Variants in PLB1 observed in about 807,000 individuals in gnomAD.
PLB1 encodes phospholipase B1, membrane-associated.
PLB1 carries 242 observed loss-of-function variants against 227.4 expected under a neutral mutation model. The observed-to-expected ratio is 1.06, with a 90% CI of 0.96 to 1.18. The LOEUF is 1.18. PLB1 is among the 50% of genes most tolerant of loss of function. PLB1 has a pLI of 0.00. For synonymous variants in PLB1, 757 were observed against 682.2 expected, an observed-to-expected ratio of 1.11 and a Z score of -1.71; for missense variants, 1,858 against 1,816.3, an observed-to-expected ratio of 1.02 and a Z score of -0.42.
At chr2:28,600,764 G>A (rs1683743290) in intron 35 of PLB1, 45 bp from the exon 36 acceptor site, 18 of 1,591,896 alleles carry the variant, frequency 1.1e-5, no homozygotes, top group Non-Finnish European at 1.5e-5. Context: ...GGAAAACTAT[G>A]GGCACTGTTC....
At chr2:28,596,613 T>G (rs1294149397) in intron 33 of PLB1, among the ~76,000 whole-genome samples, 1 of 152,242 alleles carries the variant, frequency 6.6e-6, no homozygotes, top group Non-Finnish European at 1.5e-5. Context: ...TAAAATATTC[T>G]GATTGGGTGC....
intron 18 of PLB1, among the ~76,000 whole-genome samples, chr2:28,564,307 T>C (rs987399118): frequency 8.5e-5 from 13 of 152,102 alleles, no homozygotes; most frequent in Non-Finnish European, 1.3e-4. Context: ...AGCTTGTAAG[T>C]GCTCGAGCCA....
chr2:28,553,076 C>T (rs1674503712), intron 17 of PLB1, 85 bp downstream of exon 17: 4 of 1,192,720 alleles, frequency 3.4e-6, no homozygotes, highest in Non-Finnish European at 3.7e-6. Context: ...ACCTGAAATA[C>T]TCCCGAGTGG....
Position 28,620,628 on chromosome 2 carries a change from C to T in PLB1, c.3412C>T (p.His1138Tyr), listed in dbSNP as rs1001580589. Residue 1138 changes from histidine (H) to tyrosine (Y), a missense_variant, in exon 48 of 58, where the codon CAC becomes TAC. Transcript: ENST00000327757. Reference sequence around the variant, plus strand: ...TGGAGGGGATGGGAACTTGGAGACTCACACCACACTGCCCAGTAAGTAGCA... The same window carrying T: ...TGGAGGGGATGGGAACTTGGAGACTTACACCACACTGCCCAGTAAGTAGCA... ...SIGGDGNLET[H>Y]TTLPNILKKF... is the part of the protein sequence containing the mutation. The T allele has an allele frequency of 1.2e-6, 2 of 1,613,950 alleles. No individual in the cohort carries two copies. The highest frequency in any genetic ancestry group is 1.7e-6 in the Non-Finnish European group (2 of 1,179,940).
intron 3 of PLB1, 101 bp downstream of exon 3, chr2:28,518,633 C>A: frequency 1.2e-6 from 1 of 804,082 alleles, no homozygotes; most frequent in Non-Finnish European, 2.1e-6. Context: ...GTTGCCCCTT[C>A]AAGTCCTCCT....
At chr2:28,500,477 A>G (rs563433117) in intron 1 of PLB1, among the ~76,000 whole-genome samples, 2 of 152,236 alleles carry the variant, frequency 1.3e-5, no homozygotes, top group East Asian at 3.9e-4. Context: ...GCATCCATTG[A>G]TACTTCTTGC....
chr2:28,558,044 AATCT>A (rs1675411072), intron 17 of PLB1, among the ~76,000 whole-genome samples: 1 of 152,164 alleles, frequency 6.6e-6, no homozygotes, highest in Non-Finnish European at 1.5e-5. Flanking sequence ...ATAATCAACC[AATCT>A]ATCAGATGAC....
chr2:28,520,053 C>T (rs1173387109), intron 4 of PLB1, among the ~76,000 whole-genome samples: 2 of 152,030 alleles, frequency 1.3e-5, no homozygotes, highest in Admixed American at 6.5e-5. Flanking sequence ...CTCAGCCTCC[C>T]GAGTAGCTGG....
In PLB1 at chr2:28,643,163, G is replaced by A; in HGVS notation, c.*102G>A. On this transcript the variant is annotated 3_prime_UTR_variant, in exon 58 of 58. Coordinates refer to ENST00000327757, the MANE Select transcript of PLB1 (RefSeq NM_153021.5). ...ACCAGGACATGCTTCAATGCCTGGT[G>A]CCATAGGAAGCCCAGGGGACAGTCA... The A allele has an allele frequency of 8.5e-7, 1 of 1,182,868 alleles. No homozygotes were observed. Among genetic ancestry groups the A allele is most frequent in the African/African-American group, 1.5e-5 (1 of 64,778 alleles). 73.3% of individuals were successfully genotyped at this position (1,182,868 alleles called of 1,614,324 possible).
At chr2:28,617,925 CTG>C in intron 45 of PLB1, 138 bp downstream of exon 45, 2 of 850,498 alleles carry the variant, frequency 2.4e-6, no homozygotes, top group Non-Finnish European at 3.8e-6. Flanking sequence ...ATCCTGCGGC[CTG>C]CCGCCACAGC....
At position 28,547,802 on chromosome 2, in the gene PLB1, TGTAA is replaced by T. The variant is rs1412374708; in HGVS notation, c.937-1055_937-1052del. On this transcript the variant is annotated intron_variant, in intron 14 of 57. Transcript: ENST00000327757. ...CCCTCCAAGCTATTGCATTTTTCTT[TGTAA>T]GTGTTTATATATGTATAATGAACAT... 2.0e-5 allele frequency among the ~76,000 whole-genome samples: 3 copies of T among 152,346 alleles called. No homozygotes were observed. The East Asian group carries it at 5.8e-4, about 29-fold the overall frequency.
intron 44 of PLB1, among the ~76,000 whole-genome samples, chr2:28,614,401 A>G (rs1275803831): frequency 6.6e-6 from 1 of 152,064 alleles, no homozygotes; most frequent in East Asian, 1.9e-4. Flanking sequence ...GCCTCTCAAG[A>G]GGGAGAGGCA....
intron 1 of PLB1, among the ~76,000 whole-genome samples, chr2:28,510,168 C>G (rs1408018858): frequency 1.3e-5 from 2 of 152,188 alleles, no homozygotes; most frequent in Non-Finnish European, 2.9e-5. Context: ...TGAGTTCTTT[C>G]CATGAGTCAG....
chr2:28,578,045 T>C, intron 21 of PLB1, 62 bp from the exon 22 acceptor site: 1 of 1,527,748 alleles, frequency 6.5e-7, no homozygotes, highest in South Asian at 1.1e-5. Flanking sequence ...TGCTGTTCTC[T>C]CTGCTAAGGG....
At chr2:28,505,899 A>G (rs1198702651) in intron 1 of PLB1, among the ~76,000 whole-genome samples, 4 of 152,196 alleles carry the variant, frequency 2.6e-5, no homozygotes, top group South Asian at 4.2e-4. Flanking sequence ...CTACATCCCA[A>G]TGCCTCCATC....
At chr2:28,599,043 T>A (rs2148296201) in intron 35 of PLB1, among the ~76,000 whole-genome samples, 1 of 152,366 alleles carries the variant, frequency 6.6e-6, no homozygotes, top group Non-Finnish European at 1.5e-5. Flanking sequence ...ATCCAATGTT[T>A]ACAACTCACC....
chr2:28,496,944 A>C (rs866949755), intron 1 of PLB1, among the ~76,000 whole-genome samples: 1 of 152,228 alleles, frequency 6.6e-6, no homozygotes, highest in Non-Finnish European at 1.5e-5. Flanking sequence ...GGCATGGGAC[A>C]GAGTCCTGGG....
intron 1 of PLB1, among the ~76,000 whole-genome samples, chr2:28,503,532 A>G (rs1224946934): frequency 6.6e-6 from 1 of 152,160 alleles, no homozygotes; most frequent in East Asian, 1.9e-4. Flanking sequence ...AGTAGCAACC[A>G]CTTCATTTAC....
chr2:28,543,925 A>T (rs4666090), intron 14 of PLB1, among the ~76,000 whole-genome samples: 9 of 152,224 alleles, frequency 5.9e-5, no homozygotes, highest in African/African-American at 2.2e-4. Context: ...CAGGGGATGG[A>T]ATGTGGCGTC....
Sources: allele counts gnomAD v4.1 joint callset (sites outside exome capture counted in the v4.1 genomes callset), GRCh38; gene constraint gnomAD v4.1.1; transcripts MANE v1.5; gene names NCBI Gene and HGNC (gene_info 2026-07-23, HGNC 2026-07-21).